The following TPD52L2 variants were observed in gnomAD, a reference collection of about 807,000 sequenced individuals.
TPD52L2 encodes the protein TPD52 like 2.
TPD52L2 carries 19 observed loss-of-function variants against 24.7 expected under a neutral mutation model. That is an observed-to-expected ratio of 0.77 (90% CI 0.54 to 1.13). The LOEUF (loss-of-function observed/expected upper bound fraction) is 1.13, where lower values mean the gene tolerates loss of function less well. Ranked by LOEUF, TPD52L2 falls within the 50% of genes most tolerant of loss-of-function variation. The probability of loss-of-function intolerance (pLI) is 0.00; values close to 1 mark genes in which losing one functional copy is unlikely to be tolerated. For missense variants in TPD52L2, 236 were observed against 250.4 expected, an observed-to-expected ratio of 0.94 and a Z score of 0.39; for synonymous variants, 104 against 100.2, an observed-to-expected ratio of 1.04 and a Z score of -0.23.
chr20:63,890,650 C>T lies in TPD52L2; in HGVS notation c.*705C>T, dbSNP rs2053292180. 1 of 152,764 alleles carries T rather than the reference C, an allele frequency of 6.5e-6. No homozygotes were observed. The highest frequency in any genetic ancestry group is 2.4e-5 in the African/African-American group (1 of 41,438). The allele number at this position is 152,764 out of a possible 1,614,324, so 9.5% of individuals were successfully genotyped here. On this transcript the variant is annotated 3_prime_UTR_variant, in exon 7 of 7. Coordinates refer to ENST00000346249, the MANE Select transcript of TPD52L2 (RefSeq NM_003288.4). ...ACATTGCCTTATGCTTTATTTCTTT[C>T]TAATTTTTATATGTATATAGATGAG... is the stretch of plus-strand genomic sequence containing the variant.
intron 4 of TPD52L2, among the ~76,000 whole-genome samples, chr20:63,881,717 G>A (rs2052906688): frequency 6.6e-6 from 1 of 152,244 alleles, no homozygotes; most frequent in Admixed American, 6.5e-5. Flanking sequence ...GGTCCTGGGA[G>A]CCCATCTCCA....
At chr20:63,881,279 T>G (rs2052886785) in intron 4 of TPD52L2, among the ~76,000 whole-genome samples, 1 of 151,796 alleles carries the variant, frequency 6.6e-6, no homozygotes, top group South Asian at 2.1e-4. Flanking sequence ...GAGAATCTCT[T>G]GAACCCGGAG....
chr20:63,885,961 C>CTG (rs1251805575), intron 5 of TPD52L2: 38 of 1,602,266 alleles, frequency 2.4e-5, no homozygotes, highest in Non-Finnish European at 9.4e-6. Context: ...TGAGTGGGTG[C>CTG]TGGCCTCCCT....
At chr20:63,879,363 G>A (rs1271554467) in intron 4 of TPD52L2, among the ~76,000 whole-genome samples, 1 of 152,076 alleles carries the variant, frequency 6.6e-6, no homozygotes, top group Non-Finnish European at 1.5e-5. Context: ...AGTGGCCAGT[G>A]GTCAGTGGCC....
chr20:63,870,883 A>G (rs1183925137), intron 2 of TPD52L2, among the ~76,000 whole-genome samples: 1 of 150,594 alleles, frequency 6.6e-6, no homozygotes, highest in Admixed American at 6.6e-5. Context: ...CTGCCCATCT[A>G]ATTTTCGTAT....
intron 2 of TPD52L2, 146 bp from the exon 3 acceptor site, chr20:63,873,522 T>C (rs899660020): frequency 1.1e-6 from 1 of 872,742 alleles, no homozygotes; most frequent in Non-Finnish European, 1.7e-6. Context: ...AAAAATCAGA[T>C]GTCTGCTGTA....
rs2053313895 is a variant in TPD52L2, at chr20:63,891,370, G to C, written c.*1425G>C. ...GGGATGGCACTCCACACACGACAGAGATGCAGGGGCCAGGGAAGCCCAGCG... is the reference window on the plus strand; with the variant it reads ...GGGATGGCACTCCACACACGACAGACATGCAGGGGCCAGGGAAGCCCAGCG... On this transcript the variant is annotated 3_prime_UTR_variant, in exon 7 of 7. Transcript: ENST00000346249. This position sits in a 1 kb window ranked among gnomAD's most constrained non-coding sequence, Gnocchi z 4.7. 1 of 152,566 alleles carries C rather than the reference G, an allele frequency of 6.6e-6. No individual in the cohort carries two copies. 9.5% of individuals were successfully genotyped at this position (152,566 alleles called of 1,614,324 possible).
chr20:63,887,337 CT>C, intron 5 of TPD52L2: 2 of 652,768 alleles, frequency 3.1e-6, no homozygotes, highest in East Asian at 5.3e-5. Flanking sequence ...GCTCTCCCCC[CT>C]CCCAGTGCTA....
rs1376010394 is a variant in TPD52L2, at chr20:63,869,276, C to T, written c.20-20C>T. On this transcript the variant is annotated intron_variant, in intron 1 of 6. Coordinates refer to ENST00000346249, the MANE Select transcript of TPD52L2 (RefSeq NM_003288.4). ...AACTAACTTATTTGACACTTTGTGG[C>T]CTCATTTTGTCTCTGGCAGATATCA... The T allele has an allele frequency of 1.2e-6, 2 of 1,613,682 alleles. No individual in the cohort carries two copies. Among genetic ancestry groups the T allele is most frequent in the Non-Finnish European group, 8.5e-7 (1 of 1,179,602 alleles).
chr20:63,873,534 A>T, intron 2 of TPD52L2, 134 bp from the exon 3 acceptor site: 1 of 954,876 alleles, frequency 1.0e-6, no homozygotes, highest in South Asian at 1.7e-5. Flanking sequence ...TCTGCTGTAG[A>T]TGCTGTTATT....
At chr20:63,867,114 C>T (rs954628078) in intron 1 of TPD52L2, among the ~76,000 whole-genome samples, 20 of 152,176 alleles carry the variant, frequency 1.3e-4, no homozygotes, top group Non-Finnish European at 1.9e-4. Context: ...CCACCATGCC[C>T]GGCTAATTTT....
At position 63,865,318 on chromosome 20, in the gene TPD52L2, G is replaced by C. The variant is rs1473635833; in HGVS notation, c.-48G>C. The C allele has an allele frequency of 1.3e-6, 2 of 1,504,202 alleles. No individual in the cohort carries two copies. Among genetic ancestry groups the C allele is most frequent in the Non-Finnish European group, 8.8e-7 (1 of 1,132,372 alleles). 93.2% of individuals were successfully genotyped at this position (1,504,202 alleles called of 1,614,324 possible). A position where few individuals can be genotyped will look rare whatever the true frequency, so the allele number is the denominator to read the frequency against. ...CGGCGAGCTTCTCCCGGCGCCGCCCGCTCGGCTCCCATAGCGCCCGCGACA... is the reference window on the plus strand; with the variant it reads ...CGGCGAGCTTCTCCCGGCGCCGCCCCCTCGGCTCCCATAGCGCCCGCGACA... On this transcript the variant is annotated 5_prime_UTR_variant, in exon 1 of 7. Coordinates refer to ENST00000346249, the MANE Select transcript of TPD52L2 (RefSeq NM_003288.4).
At chr20:63,885,928 C>T (rs1489943616) in intron 5 of TPD52L2, 2 of 1,461,468 alleles carry the variant, frequency 1.4e-6, no homozygotes, top group African/African-American at 2.8e-5. Context: ...GGGGCCTCCC[C>T]TGGGGCTCCC....
chr20:63,867,652 C>G (rs2052304010), intron 1 of TPD52L2, among the ~76,000 whole-genome samples: 1 of 152,042 alleles, frequency 6.6e-6, no homozygotes. Context: ...GTGCACACGG[C>G]TCCAGTCCTA....
Position 63,875,853 on chromosome 20 carries a change from G to A in TPD52L2, c.352G>A (p.Glu118Lys). ...TTCTGAGAAACTTGGAGAGTGGAATGAGAAAGTGACCCAGTCAGACCTGTG... is the reference window on the plus strand; with the variant it reads ...TTCTGAGAAACTTGGAGAGTGGAATAAGAAAGTGACCCAGTCAGACCTGTG... ...KTSEKLGEWN[E>K]KVTQSDLYKK... The change falls in exon 4 of 7, where the codon GAG becomes AAG. Residue 118 changes from glutamate (E) to lysine (K), a missense_variant. By Grantham distance (56) the Glu-to-Lys change is moderately conservative. Coordinates refer to ENST00000346249, the MANE Select transcript of TPD52L2 (RefSeq NM_003288.4). The A allele has an allele frequency of 6.2e-7, 1 of 1,614,224 alleles. No individual in the cohort carries two copies. Among genetic ancestry groups the A allele is most frequent in the Non-Finnish European group, 8.5e-7 (1 of 1,180,030 alleles).
At position 63,877,032 on chromosome 20, in the gene TPD52L2, G is replaced by GT. The variant is rs1378478269; in HGVS notation, c.374+1157_374+1158insT. 3.4e-5 allele frequency: 15 copies of GT among 443,352 alleles called. No homozygotes were observed. The East Asian group carries it at 7.8e-4, about 23-fold the overall frequency. 27.5% of individuals were successfully genotyped at this position (443,352 alleles called of 1,614,324 possible). On this transcript the variant is annotated intron_variant, in intron 4 of 6. Transcript: ENST00000346249. The surrounding 1 kb of genome is among the most constrained non-coding windows in gnomAD (Gnocchi z 4.1). Reference sequence around the variant, plus strand: ...TGCCCTGGGTTTTTTTTGTTTGTTTGGTTTTTTTTTTGAGACAACGTCTCG... The same window carrying GT: ...TGCCCTGGGTTTTTTTTGTTTGTTTGTGTTTTTTTTTTGAGACAACGTCTCG...
At chr20:63,878,396 C>T (rs183237706) in intron 4 of TPD52L2, among the ~76,000 whole-genome samples, 44 of 152,318 alleles carry the variant, frequency 2.9e-4, no homozygotes, top group African/African-American at 1.0e-3. Context: ...AACCTCAGTG[C>T]TGAGAGGGGC....
At position 63,890,329 on chromosome 20, in the gene TPD52L2, T is replaced by A. The variant is rs1370013770; in HGVS notation, c.*384T>A. On this transcript the variant is annotated 3_prime_UTR_variant, in exon 7 of 7. Coordinates refer to ENST00000346249, the MANE Select transcript of TPD52L2 (RefSeq NM_003288.4). ...ATAAAATAAGTGGCATTTTCTGACT[T>A]CTTCCTCCTCCTCCTTCCCTGACTC... The A allele has an allele frequency of 1.5e-5, 4 of 273,888 alleles. No individual in the cohort carries two copies. The highest frequency in any genetic ancestry group is 6.4e-5 in the East Asian group (1 of 15,744). The allele number at this position is 273,888 out of a possible 1,614,324, so 17.0% of individuals were successfully genotyped here. A position where few individuals can be genotyped will look rare whatever the true frequency, so the allele number is the denominator to read the frequency against.
intron 6 of TPD52L2, among the ~76,000 whole-genome samples, chr20:63,889,564 C>T (rs562932193): frequency 1.1e-4 from 16 of 152,264 alleles, no homozygotes; most frequent in South Asian, 2.1e-4. Context: ...GCCCTACCCC[C>T]GGCAACCCCT....
Sources: gnomAD v4.1 joint callset for allele counts (sites outside exome capture counted in the v4.1 genomes callset) on GRCh38, gnomAD v4.1.1 for gene constraint, Gnocchi (gnomAD v3.1) non-coding constraint, MANE v1.5 for transcripts, NCBI Gene and HGNC (gene_info 2026-07-23, HGNC 2026-07-21) for gene names.